The following FOCAD variants were observed in gnomAD, a reference collection of about 807,000 sequenced individuals.
FOCAD encodes the protein focadhesin, also known as KIAA1797.
FOCAD carries 198 observed loss-of-function variants against 225.6 expected under a neutral mutation model. That is an observed-to-expected ratio of 0.88 (90% CI 0.78 to 0.99). The LOEUF is 0.99. FOCAD is among the 50% of genes least tolerant of loss of function. The pLI is 0.00. For synonymous variants in FOCAD, 897 were observed against 755.0 expected (o/e 1.19, Z -3.08); for missense variants, 2,713 against 2,123.6 (o/e 1.28, Z -5.46).
intron 15 of FOCAD, among the ~76,000 whole-genome samples, chr9:20,847,250 A>G (rs1827208720): frequency 6.6e-6 from 1 of 152,044 alleles, no homozygotes; most frequent in Admixed American, 6.6e-5. Flanking sequence ...CCCGAGCCCT[A>G]CACAACCAAT....
chr9:20,935,454 G>T (rs1194841939), intron 28 of FOCAD, among the ~76,000 whole-genome samples: 1 of 152,138 alleles, frequency 6.6e-6, no homozygotes, highest in Non-Finnish European at 1.5e-5. Flanking sequence ...AGGCTGGAGT[G>T]CAATGGTGGA....
chr9:20,825,720 G>C (rs186935129), intron 15 of FOCAD, among the ~76,000 whole-genome samples: 39 of 152,180 alleles, frequency 2.6e-4, no homozygotes, highest in Admixed American at 2.6e-3. Context: ...CATCTTGAAA[G>C]TTATAATCAT....
intron 1 of FOCAD, among the ~76,000 whole-genome samples, chr9:20,691,069 A>G (rs1215966686): frequency 6.6e-6 from 1 of 152,004 alleles, no homozygotes; most frequent in Non-Finnish European, 1.5e-5. Flanking sequence ...TAGTCTCCTG[A>G]GTAGCTGGGA....
chr9:20,751,658 T>C (rs1251736255), intron 5 of FOCAD, among the ~76,000 whole-genome samples: 3 of 147,450 alleles, frequency 2.0e-5, no homozygotes, highest in Non-Finnish European at 4.5e-5. Context: ...TTTATAGTCC[T>C]TTGGGTATAT....
chr9:20,842,824 A>G (rs1826678364), intron 15 of FOCAD, among the ~76,000 whole-genome samples: 1 of 151,748 alleles, frequency 6.6e-6, no homozygotes, highest in African/African-American at 2.4e-5. Flanking sequence ...CTTCTTTGTG[A>G]AAGTGATTTT....
chr9:20,764,903 T>C lies in FOCAD; in HGVS notation c.529T>C (p.Phe177Leu), dbSNP rs764872131. The C allele has an allele frequency of 1.2e-6, 2 of 1,614,168 alleles. No homozygotes were observed. Among genetic ancestry groups the C allele is most frequent in the Non-Finnish European group, 1.7e-6 (2 of 1,180,018 alleles). Residue 177 changes from phenylalanine (F) to leucine (L), a missense_variant, in exon 7 of 44, where the codon TTT becomes CTT. Physicochemically the swap from Phe to Leu is conservative, Grantham distance 22. Transcript: ENST00000338382. The stretch of plus-strand genomic sequence containing the variant: ...TTCATGCATTCAAATAATGGCACCA[T>C]TTCTGTGGTATCTGTATTGTGAACC... ...EVSCIQIMAP[F>L]LWYLYCEPSQ...
At chr9:20,944,809 C>A in intron 29 of FOCAD, 35 bp downstream of exon 29, 2 of 1,577,026 alleles carry the variant, frequency 1.3e-6, no homozygotes, top group Non-Finnish European at 8.7e-7. Flanking sequence ...TTCCCCTCTG[C>A]TCTCTTTTGT....
intron 2 of FOCAD, among the ~76,000 whole-genome samples, chr9:20,659,440 A>AGAAAGAAAGAAAGAAAGACAGAC (rs147459649): frequency 6.9e-6 from 1 of 145,070 alleles, no homozygotes; most frequent in Non-Finnish European, 1.5e-5. Context: ...GAAAGAAAGA[A>AGAAAGAAAGAAAGAAAGACAGAC]AGACAGACAG....
intron 7 of FOCAD, among the ~76,000 whole-genome samples, chr9:20,768,127 G>C (rs2130981917): frequency 6.7e-6 from 1 of 149,096 alleles, no homozygotes; most frequent in South Asian, 2.2e-4. Context: ...TCAAAGATCA[G>C]ATAGTTGTAG....
intron 1 of FOCAD, among the ~76,000 whole-genome samples, chr9:20,698,856 A>T (rs1398933337): frequency 6.6e-6 from 1 of 152,112 alleles, no homozygotes; most frequent in Non-Finnish European, 1.5e-5. Context: ...TTTTGCAAAA[A>T]GTGTGCTTGA....
intron 11 of FOCAD, among the ~76,000 whole-genome samples, chr9:20,792,035 G>A (rs1299987613): frequency 6.6e-5 from 10 of 152,192 alleles, no homozygotes; most frequent in Admixed American, 6.5e-4. Flanking sequence ...CTGTCTGGTA[G>A]CCTCTGGCCA....
At chr9:20,822,624 A>T (rs956719541) in intron 14 of FOCAD, among the ~76,000 whole-genome samples, 1 of 152,062 alleles carries the variant, frequency 6.6e-6, no homozygotes, top group Non-Finnish European at 1.5e-5. Context: ...TGAGTATCTG[A>T]TACTATCAGG....
chr9:20,991,803 ACT>A (rs1295124682), intron 42 of FOCAD, among the ~76,000 whole-genome samples: 3 of 106,312 alleles, frequency 2.8e-5, no homozygotes, highest in African/African-American at 1.1e-4. Context: ...ACAGATTGAG[ACT>A]CTGTCTCAAA....
chr9:20,670,802 C>T (rs1160088384), intron 2 of FOCAD, among the ~76,000 whole-genome samples: 2 of 152,038 alleles, frequency 1.3e-5, no homozygotes, highest in Non-Finnish European at 1.5e-5. Flanking sequence ...AATTTGTATC[C>T]CTATTTCTAT....
At chr9:20,777,236 G>T (rs1410805649) in intron 8 of FOCAD, among the ~76,000 whole-genome samples, 2 of 145,320 alleles carry the variant, frequency 1.4e-5, no homozygotes, top group Non-Finnish European at 3.0e-5. Flanking sequence ...AAATTATATT[G>T]TTTTCACTCA....
chr9:20,885,153 G>C lies in FOCAD; in HGVS notation c.2548G>C (p.Asp850His). The change falls in exon 21 of 44, where the codon GAT becomes CAT. Residue 850 changes from aspartate to histidine, a missense_variant. Transcript: ENST00000338382. Reference sequence around the variant, plus strand: ...TGATGTTTCCATGTATCAGAGTAAAGATGGAAAACCATTGAACAGACTGAT... The same window carrying C: ...TGATGTTTCCATGTATCAGAGTAAACATGGAAAACCATTGAACAGACTGAT... ...CYDVSMYQSK[D>H]GKPLNRLMAS... The C allele has an allele frequency of 6.5e-7, 1 of 1,543,216 alleles. No individual in the cohort carries two copies. Among genetic ancestry groups the C allele is most frequent in the Non-Finnish European group, 8.7e-7 (1 of 1,142,896 alleles).
At chr9:20,820,565 T>A in intron 13 of FOCAD, 140 bp downstream of exon 13, 1 of 642,838 alleles carries the variant, frequency 1.6e-6, no homozygotes, top group Non-Finnish European at 2.6e-6. Flanking sequence ...AGTTTTGATT[T>A]ATTGTGATGC....
chr9:20,956,726 C>T (rs1444539621), intron 35 of FOCAD, among the ~76,000 whole-genome samples: 1 of 152,070 alleles, frequency 6.6e-6, no homozygotes, highest in African/African-American at 2.4e-5. Context: ...GGTTTGTTTT[C>T]ATAAACCTCA....
In FOCAD at chr9:20,978,401, G is replaced by T. The variant is rs1172931461; in HGVS notation, c.4324G>T (p.Ala1442Ser). ...MVTQAQSSQN[A>S]AALLGLWVTP... ...GACCCAGGCACAGTCATCCCAGAATGCAGCTGCACTATTGGGCTTGTGGGT... is the reference window on the plus strand; with the variant it reads ...GACCCAGGCACAGTCATCCCAGAATTCAGCTGCACTATTGGGCTTGTGGGT... The change falls in exon 37 of 44, where the codon GCA becomes TCA. Residue 1442 changes from alanine to serine, a missense_variant. Coordinates refer to ENST00000338382, the MANE Select transcript of FOCAD (RefSeq NM_001375567.1). 6.2e-7 allele frequency: 1 copy of T among 1,612,256 alleles called. No individual in the cohort carries two copies. The highest frequency in any genetic ancestry group is 2.2e-5 in the East Asian group (1 of 44,750).
Sources: gnomAD v4.1 joint callset for allele counts (sites outside exome capture counted in the v4.1 genomes callset) on GRCh38, gnomAD v4.1.1 for gene constraint, MANE v1.5 for transcripts, NCBI Gene and HGNC (gene_info 2026-07-23, HGNC 2026-07-21) for gene names.